The following MOK variants were observed in gnomAD, a reference collection of about 807,000 sequenced individuals.
The protein encoded by MOK is MOK protein kinase.
A neutral mutation model predicts 54.2 loss-of-function variants in MOK; 59 were observed. The observed-to-expected ratio is 1.09, with a 90% CI of 0.88 to 1.35. The LOEUF (loss-of-function observed/expected upper bound fraction) is 1.35. Among genes scored for constraint, MOK ranks in the 40% most tolerant of loss-of-function variants. The probability of loss-of-function intolerance (pLI) is 0.00; values close to 1 mark genes in which losing one functional copy is unlikely to be tolerated. For synonymous variants in MOK, 210 were observed against 202.7 expected (o/e 1.04, Z -0.31); for missense variants, 517 against 526.2 (o/e 0.98, Z 0.17).
intron 2 of MOK, among the ~76,000 whole-genome samples, chr14:102,268,274 T>A (rs1302035382): frequency 6.6e-6 from 1 of 152,102 alleles, no homozygotes; most frequent in Non-Finnish European, 1.5e-5. Context: ...GAAAGGCACA[T>A]TTTCCTGGAT....
intron 4 of MOK, among the ~76,000 whole-genome samples, chr14:102,256,607 C>A: frequency 6.6e-6 from 1 of 151,768 alleles, no homozygotes; most frequent in Non-Finnish European, 1.5e-5. Context: ...CAGACAGAGT[C>A]TTAGGCTAGT....
downstream of MOK, among the ~76,000 whole-genome samples, chr14:102,226,894 C>T (rs2064272646): frequency 6.6e-6 from 1 of 152,316 alleles, no homozygotes; most frequent in South Asian, 2.1e-4. The surrounding 1 kb of genome is among the most constrained non-coding windows in gnomAD (Gnocchi z 4.8). Context: ...GCCTGGAGGC[C>T]CAGCTGCCCT....
intron 7 of MOK, chr14:102,247,427 A>G (rs1218196559): frequency 6.6e-6 from 1 of 152,226 alleles, no homozygotes; most frequent in East Asian, 1.9e-4. Flanking sequence ...CCAAAAATCA[A>G]TGTTGCTCCA....
chr14:102,215,275 T>G, the MOK span, among the ~76,000 whole-genome samples: 4 of 152,212 alleles, frequency 2.6e-5, no homozygotes, highest in East Asian at 5.8e-4. Flanking sequence ...GATTGGCGTT[T>G]CGGCTGAGCT....
chr14:102,219,737 C>T (rs1487063905), downstream of MOK, among the ~76,000 whole-genome samples: 17 of 152,250 alleles, frequency 1.1e-4, no homozygotes, highest in Admixed American at 1.1e-3. Flanking sequence ...GGCACATTCT[C>T]TGCATGGCGA....
intron 7 of MOK, chr14:102,234,081 TCTGA>T (rs879732333): frequency 3.4e-6 from 1 of 294,828 alleles, no homozygotes; most frequent in Non-Finnish European, 6.3e-6. Flanking sequence ...GGCTGCTTCC[TCTGA>T]CTGTTAAGCG....
intron 1 of MOK, among the ~76,000 whole-genome samples, chr14:102,289,553 G>C (rs2070521449): frequency 6.6e-6 from 1 of 151,982 alleles, no homozygotes; most frequent in Non-Finnish European, 1.5e-5. Flanking sequence ...TTGCCCAAGT[G>C]ATCTCGGCTC....
At chr14:102,289,854 G>A (rs773314413) in intron 1 of MOK, among the ~76,000 whole-genome samples, 2 of 152,178 alleles carry the variant, frequency 1.3e-5, no homozygotes, top group Non-Finnish European at 2.9e-5. Flanking sequence ...TCTCCATACT[G>A]TGAGGTGTAA....
At chr14:102,284,841 G>A (rs2069850323) in intron 1 of MOK, among the ~76,000 whole-genome samples, 1 of 152,160 alleles carries the variant, frequency 6.6e-6, no homozygotes, top group Non-Finnish European at 1.5e-5. Flanking sequence ...ACTTTAGGAG[G>A]CCGAGGCAGG....
In MOK at chr14:102,250,836, C is replaced by T. The variant is rs772285281; in HGVS notation, c.566G>A (p.Gly189Asp). The change falls in exon 7 of 12, where the codon GGC becomes GAC. Residue 189 changes from glycine (G) to aspartate (D), a missense_variant. By Grantham distance (94) the Gly-to-Asp change is moderately conservative (BLOSUM62 -1). Transcript: ENST00000361847. ...CCTGGCGATCTCGTAGAACACACAGCCGGCGCTCCACAGGTCCATCTTGTA... is the reference window on the plus strand; with the variant it reads ...CCTGGCGATCTCGTAGAACACACAGTCGGCGCTCCACAGGTCCATCTTGTA... The part of the protein sequence containing the change: ...YTYKMDLWSA[G>D]CVFYEIASLQ... 1 of 1,613,948 alleles carries T rather than the reference C, an allele frequency of 6.2e-7. No individual in the cohort carries two copies. The highest frequency in any genetic ancestry group is 1.7e-5 in the Admixed American group (1 of 59,988).
In MOK at chr14:102,267,542, G is replaced by A. The variant is rs188768641; in HGVS notation, c.123-1630C>T. On this transcript the variant is annotated intron_variant, in intron 2 of 11. Coordinates refer to ENST00000361847, the MANE Select transcript of MOK (RefSeq NM_014226.3). ...GATTGTGCCATTGCACTCCAGCCTGGGCAACAGAGTGAGACTCCATCTCAA... is the reference window on the plus strand; with the variant it reads ...GATTGTGCCATTGCACTCCAGCCTGAGCAACAGAGTGAGACTCCATCTCAA... Among the ~76,000 whole-genome samples the A allele has an allele frequency of 2.1e-4, 32 of 152,248 alleles. 1 individual carries two copies. Among genetic ancestry groups the A allele is most frequent in the Non-Finnish European group, 3.5e-4 (24 of 68,030 alleles).
intron 4 of MOK, among the ~76,000 whole-genome samples, chr14:102,262,619 C>T (rs944476619): frequency 6.6e-6 from 1 of 152,180 alleles, no homozygotes; most frequent in Non-Finnish European, 1.5e-5. Flanking sequence ...TTTATTTGAA[C>T]TCTTCATATA....
chr14:102,243,846 T>C (rs1567158339), intron 7 of MOK, among the ~76,000 whole-genome samples: 1 of 152,096 alleles, frequency 6.6e-6, no homozygotes, highest in Non-Finnish European at 1.5e-5. Context: ...AATCACCGCT[T>C]ACCAGCAAAG....
downstream of MOK, chr14:102,222,926 G>T (rs371961127): frequency 2.4e-4 from 388 of 1,612,184 alleles, no homozygotes; most frequent in Non-Finnish European, 3.1e-4. This position sits in a 1 kb window ranked among gnomAD's most constrained non-coding sequence, Gnocchi z 4.4. Flanking sequence ...ACTTGGACTC[G>T]AGGGAGTGAC....
chr14:102,222,216 A>G (rs2063973948), downstream of MOK, among the ~76,000 whole-genome samples: 1 of 151,708 alleles, frequency 6.6e-6, no homozygotes, highest in African/African-American at 2.4e-5. This position sits in a 1 kb window ranked among gnomAD's most constrained non-coding sequence, Gnocchi z 4.4. Context: ...CTGCAGCCTC[A>G]CGGCAAGACT....
chr14:102,276,458 T>C (rs566066581), intron 2 of MOK, among the ~76,000 whole-genome samples: 89 of 151,974 alleles, frequency 5.9e-4, no homozygotes, highest in African/African-American at 2.1e-3. Context: ...GCCTGGGTGA[T>C]AGAGCGACAC....
In MOK at chr14:102,232,607, A is replaced by G; in HGVS notation, c.794T>C (p.Met265Thr). 6.2e-7 allele frequency: 1 copy of G among 1,614,110 alleles called. No individual in the cohort carries two copies. The highest frequency in any genetic ancestry group is 8.5e-7 in the Non-Finnish European group (1 of 1,179,980). The change falls in exon 9 of 12, where the codon ATG (methionine) becomes ACG (threonine). Residue 265 changes from methionine to threonine, a missense_variant. Transcript: ENST00000361847. The surrounding 1 kb of genome is among the most constrained non-coding windows in gnomAD (Gnocchi z 5.1). Reference sequence around the variant, plus strand: ...TCTCTCATCGGGATCATAGGCCACCATTGCGTGCAGGAGGGAGAGGCATTG... The same window carrying G: ...TCTCTCATCGGGATCATAGGCCACCGTTGCGTGCAGGAGGGAGAGGCATTG... ...SPQCLSLLHA[M>T]VAYDPDERIA...
At chr14:102,279,135 C>T (rs1230851596) in intron 2 of MOK, among the ~76,000 whole-genome samples, 1 of 152,174 alleles carries the variant, frequency 6.6e-6, no homozygotes, top group African/African-American at 2.4e-5. Context: ...CACTGAACCC[C>T]GGGTTTAGCA....
At position 102,254,760 on chromosome 14, in the gene MOK, G is replaced by A. The variant is rs1036885101; in HGVS notation, c.284-2765C>T. On this transcript the variant is annotated intron_variant, in intron 4 of 11. Coordinates refer to ENST00000361847, the MANE Select transcript of MOK (RefSeq NM_014226.3). ...GTGCAGCTACTAGTCTTGGGTCCTC[G>A]CTTCGAGAACCATGCCCCACCACCC... 5.9e-5 allele frequency among the ~76,000 whole-genome samples: 9 copies of A among 152,250 alleles called. No individual in the cohort carries two copies. In the East Asian group the frequency reaches 9.6e-4, roughly 16 times the overall value.
Sources: gnomAD v4.1 joint callset for allele counts (sites outside exome capture counted in the v4.1 genomes callset) on GRCh38, gnomAD v4.1.1 for gene constraint, Gnocchi (gnomAD v3.1) non-coding constraint, MANE v1.5 for transcripts, NCBI Gene and HGNC (gene_info 2026-07-23, HGNC 2026-07-21) for gene names.